Variants in CDC7 observed in about 807,000 individuals in gnomAD.
CDC7 encodes the protein cell division cycle 7, also known as cell division cycle 7-related protein kinase.
CDC7 carries 34 observed loss-of-function variants against 53.5 expected under a neutral mutation model. That is an observed-to-expected ratio of 0.64 (90% confidence interval 0.48 to 0.85). The LOEUF (loss-of-function observed/expected upper bound fraction) is 0.85. Among genes scored for constraint, CDC7 ranks in the 40% least tolerant of loss-of-function variants. The probability of loss-of-function intolerance (pLI) is 0.00; values close to 1 mark genes in which losing one functional copy is unlikely to be tolerated. For synonymous variants in CDC7, 211 were observed against 222.8 expected (o/e 0.95, Z 0.47); for missense variants, 594 against 679.7 (o/e 0.87, Z 1.40).
chr1:91,521,655 A>G (rs188323922), intron 11 of CDC7, among the ~76,000 whole-genome samples: 26 of 152,336 alleles, frequency 1.7e-4, no homozygotes, highest in Admixed American at 7.8e-4. Context: ...ACTTTCATCT[A>G]CTATTGAATA....
At position 91,513,117 on chromosome 1, in the gene CDC7, T is replaced by G; in HGVS notation, c.632T>G (p.Leu211Arg). The change falls in exon 7 of 12, where the codon CTT becomes CGT. Residue 211 changes from leucine (L) to arginine (R), a missense_variant. Leu to Arg is a moderately radical substitution (Grantham distance 102). Coordinates refer to ENST00000234626, the MANE Select transcript of CDC7 (RefSeq NM_003503.4). ...QGTHDTKIELLKFVQSEAQQE... is the reference protein window; with the variant it reads ...QGTHDTKIELRKFVQSEAQQE... Reference sequence around the variant, plus strand: ...ACCCATGATACGAAAATAGAGCTTCTTAAATTTGTCCAGTCTGAAGCTCAG... The same window carrying G: ...ACCCATGATACGAAAATAGAGCTTCGTAAATTTGTCCAGTCTGAAGCTCAG... 1.9e-6 allele frequency: 3 copies of G among 1,613,532 alleles called. No homozygotes were observed. The highest frequency in any genetic ancestry group is 2.5e-6 in the Non-Finnish European group (3 of 1,179,596).
chr1:91,503,781 C>A (rs971393721), intron 2 of CDC7, among the ~76,000 whole-genome samples: 5 of 152,066 alleles, frequency 3.3e-5, no homozygotes, highest in African/African-American at 1.2e-4. Context: ...ATTCCTTTAG[C>A]CTTTCTAGGC....
At chr1:91,501,886 CTG>C (rs1666710284) in intron 2 of CDC7, 55 bp downstream of exon 2, 1 of 1,249,848 alleles carries the variant, frequency 8.0e-7, no homozygotes, top group Admixed American at 1.8e-5. Flanking sequence ...GGCAACAATT[CTG>C]TGTTTTCAAT....
chr1:91,501,993 C>A (rs1337790133), intron 2 of CDC7, among the ~76,000 whole-genome samples, 162 bp downstream of exon 2: 1 of 152,174 alleles, frequency 6.6e-6, no homozygotes, highest in Non-Finnish European at 1.5e-5. Context: ...AAATGTAGGA[C>A]TGAATTGCGA....
intron 11 of CDC7, among the ~76,000 whole-genome samples, chr1:91,520,646 T>C (rs566838361): frequency 6.6e-6 from 1 of 152,344 alleles, no homozygotes; most frequent in East Asian, 1.9e-4. Context: ...TTTTTTATTG[T>C]CTTTTAAACA....
At chr1:91,509,264 TTTATC>T (rs1312572933) in intron 4 of CDC7, among the ~76,000 whole-genome samples, 3 of 152,094 alleles carry the variant, frequency 2.0e-5, no homozygotes, top group South Asian at 2.1e-4. Flanking sequence ...TCTCAGACCT[TTTATC>T]TTAACTACAG....
chr1:91,509,073 C>G (rs1270473459), intron 4 of CDC7, among the ~76,000 whole-genome samples: 1 of 152,106 alleles, frequency 6.6e-6, no homozygotes, highest in Admixed American at 6.5e-5. Flanking sequence ...CTGCCACACC[C>G]TCCTTGTTTT....
intron 2 of CDC7, among the ~76,000 whole-genome samples, chr1:91,502,643 T>C (rs151002961): frequency 6.3e-4 from 96 of 152,360 alleles, no homozygotes; most frequent in African/African-American, 2.0e-3. Flanking sequence ...CTTGAAACTT[T>C]AATCTTCAGC....
Position 91,520,156 on chromosome 1 carries a change from A to G in CDC7, c.1207A>G (p.Ile403Val). 6.2e-7 allele frequency: 1 copy of G among 1,604,618 alleles called. No individual in the cohort carries two copies. The highest frequency in any genetic ancestry group is 1.3e-5 in the African/African-American group (1 of 74,658). Residue 403 changes from isoleucine (I) to valine (V), a missense_variant, in exon 11 of 12, where the codon ATA (isoleucine) becomes GTA (valine). Physicochemically the swap from Ile to Val is conservative, Grantham distance 29. Transcript: ENST00000234626. ...TAIDMWSAGV[I>V]FLSLLSGRYP... ...AATTGACATGTGGTCTGCAGGTGTC[A>G]TATTTCTTTCTTTGCTTAGTGGACG... is the stretch of plus-strand genomic sequence containing the variant.
chr1:91,514,598 G>A (rs1667461734), intron 8 of CDC7, among the ~76,000 whole-genome samples: 1 of 152,074 alleles, frequency 6.6e-6, no homozygotes, highest in African/African-American at 2.4e-5. Flanking sequence ...CTCAAATATT[G>A]GCCAAGCTAG....
chr1:91,519,278 AAAAAG>A (rs1288428127), intron 10 of CDC7, among the ~76,000 whole-genome samples: 39 of 147,296 alleles, frequency 2.6e-4, no homozygotes, highest in South Asian at 1.9e-3. Context: ...AAAAAAAAAA[AAAAAG>A]AGCTGGGCAT....
chr1:91,508,037 T>TGA, intron 3 of CDC7, 100 bp downstream of exon 3: 1 of 1,042,516 alleles, frequency 9.6e-7, no homozygotes, highest in Non-Finnish European at 1.4e-6. Context: ...TATTGAAAAA[T>TGA]ATACCACTTT....
At chr1:91,501,957 T>C (rs1378713381) in intron 2 of CDC7, 126 bp downstream of exon 2, 1 of 717,932 alleles carries the variant, frequency 1.4e-6, no homozygotes, top group Non-Finnish European at 2.3e-6. Context: ...TATAGGACAG[T>C]GTTAAAACAG....
Position 91,513,181 on chromosome 1 carries a change from A to G in CDC7, c.696A>G (p.Thr232=). 6.2e-7 allele frequency: 1 copy of G among 1,613,832 alleles called. No homozygotes were observed. Among genetic ancestry groups the G allele is most frequent in the Non-Finnish European group, 8.5e-7 (1 of 1,179,804 alleles). Residue 232 remains threonine, a synonymous_variant, in exon 7 of 12, where the codon ACA becomes ACG. Coordinates refer to ENST00000234626, the MANE Select transcript of CDC7 (RefSeq NM_003503.4). ...CACAAAACAAATCCCACATAATCAC[A>G]GGAAACAAGATTCCACTGAGTGGCC... ...RCSQNKSHII[T]GNKIPLSGPV...
At position 91,514,876 on chromosome 1, in the gene CDC7, A is replaced by G. The variant is rs1571328543; in HGVS notation, c.976A>G (p.Lys326Glu). 1.2e-6 allele frequency: 2 copies of G among 1,613,566 alleles called. No individual in the cohort carries two copies. Among genetic ancestry groups the G allele is most frequent in the Non-Finnish European group, 1.7e-6 (2 of 1,179,634 alleles). The change falls in exon 9 of 12, where the codon AAG becomes GAG. Residue 326 changes from lysine to glutamate, a missense_variant. Physicochemically the swap from Lys to Glu is moderately conservative, Grantham distance 56. Transcript: ENST00000234626. ...VLSRKLATKK[K>E]AISTKVMNSA... Reference sequence around the variant, plus strand: ...GTCTAGAAAGTTAGCAACAAAAAAGAAGGCTATTTCTACAAAAGTTATGAA... The same window carrying G: ...GTCTAGAAAGTTAGCAACAAAAAAGGAGGCTATTTCTACAAAAGTTATGAA...
chr1:91,519,817 C>T (rs933827365), intron 10 of CDC7, among the ~76,000 whole-genome samples: 3 of 152,110 alleles, frequency 2.0e-5, no homozygotes, highest in South Asian at 2.1e-4. Context: ...ATAAAATGTG[C>T]GTTTACTTAG....
intron 2 of CDC7, among the ~76,000 whole-genome samples, chr1:91,502,694 A>G (rs1571309728): frequency 6.6e-6 from 1 of 152,044 alleles, no homozygotes; most frequent in Non-Finnish European, 1.5e-5. Context: ...ACCTAGCTTT[A>G]TTTCTTTTTA....
intron 3 of CDC7, 126 bp downstream of exon 3, chr1:91,508,063 CAT>C: frequency 1.2e-6 from 1 of 852,432 alleles, no homozygotes; most frequent in Non-Finnish European, 1.8e-6. Flanking sequence ...CTATTAAGAC[CAT>C]AGTTTTATTA....
At chr1:91,519,855 A>G (rs1457835120) in intron 10 of CDC7, among the ~76,000 whole-genome samples, 1 of 152,206 alleles carries the variant, frequency 6.6e-6, no homozygotes, top group Non-Finnish European at 1.5e-5. Flanking sequence ...ATATCCTTTT[A>G]AATTTACCAA....
Sources: allele counts gnomAD v4.1 joint callset (sites outside exome capture counted in the v4.1 genomes callset), GRCh38; gene constraint gnomAD v4.1.1; transcripts MANE v1.5; gene names NCBI Gene and HGNC (gene_info 2026-07-23, HGNC 2026-07-21).